GSDME: variants seen among roughly 807,000 people sequenced by gnomAD.
GSDME encodes gasdermin-E.
A neutral mutation model predicts 47.5 loss-of-function variants in GSDME; 44 were observed. The observed-to-expected ratio is 0.93, with a 90% CI of 0.73 to 1.19. The LOEUF (loss-of-function observed/expected upper bound fraction) is 1.19, where lower values mean the gene tolerates loss of function less well. GSDME is among the 50% of genes most tolerant of loss of function. The pLI, the probability that GSDME is intolerant of heterozygous loss-of-function variation, is 0.00. For missense variants in GSDME, 663 were observed against 604.2 expected (o/e 1.10, Z -1.02); for synonymous variants, 258 against 252.8 (o/e 1.02, Z -0.20).
the GSDME span, among the ~76,000 whole-genome samples, chr7:24,782,336 G>A: frequency 5.8e-3 from 887 of 151,702 alleles, 14 homozygotes; most frequent in African/African-American, 0.021. Context: ...TTGTCCTTGC[G>A]ATAGTTTGCT....
At chr7:24,791,682 G>A in the GSDME span, among the ~76,000 whole-genome samples, 1 of 152,150 alleles carries the variant, frequency 6.6e-6, no homozygotes, top group African/African-American at 2.4e-5. The surrounding 1 kb of genome is among the most constrained non-coding windows in gnomAD (Gnocchi z 4.8). Context: ...CAGGGTGAAA[G>A]AGATAGCCAA....
the GSDME span, among the ~76,000 whole-genome samples, chr7:24,785,609 C>A: frequency 6.6e-6 from 1 of 152,210 alleles, no homozygotes; most frequent in South Asian, 2.1e-4. Flanking sequence ...GCACATGCCA[C>A]CATGCCCGGC....
At chr7:24,774,314 T>C in the GSDME span, among the ~76,000 whole-genome samples, 3 of 102,204 alleles carry the variant, frequency 2.9e-5, no homozygotes, top group Admixed American at 1.2e-4. Flanking sequence ...CCTCCCTCCC[T>C]TCCTTCTTCC....
chr7:24,731,326 G>T (rs1248869201), intron 3 of GSDME, among the ~76,000 whole-genome samples: 2 of 152,224 alleles, frequency 1.3e-5, no homozygotes, highest in East Asian at 3.8e-4. Context: ...TACACGTCTG[G>T]ATCAGCACTT....
chr7:24,784,991 C>T, the GSDME span, among the ~76,000 whole-genome samples: 1 of 152,182 alleles, frequency 6.6e-6, no homozygotes, highest in Admixed American at 6.5e-5. Flanking sequence ...CAGCCAGGGA[C>T]AATACTTTGC....
chr7:24,716,093 C>T lies in GSDME; in HGVS notation c.697+1161G>A, dbSNP rs190219654. Among the ~76,000 whole-genome samples, 3 of 152,262 alleles carry T rather than the reference C, an allele frequency of 2.0e-5. No individual in the cohort carries two copies. The highest frequency in any genetic ancestry group is 2.0e-4 in the Admixed American group (3 of 15,292). Reference sequence around the variant, plus strand: ...GCAGGAGCTGTCTCACGGGAGACTGCCCCCCACCCGCCTTCCACAAATGGG... The same window carrying T: ...GCAGGAGCTGTCTCACGGGAGACTGTCCCCCACCCGCCTTCCACAAATGGG... On this transcript the variant is annotated intron_variant, in intron 5 of 9. Transcript: ENST00000645220. The surrounding 1 kb of genome is among the most constrained non-coding windows in gnomAD (Gnocchi z 4.5).
the GSDME span, among the ~76,000 whole-genome samples, chr7:24,785,581 G>A: frequency 1.3e-5 from 2 of 152,116 alleles, no homozygotes; most frequent in African/African-American, 4.8e-5. Context: ...TCAGCCTCCT[G>A]AGTAGCTGGG....
the GSDME span, among the ~76,000 whole-genome samples, chr7:24,789,829 A>G: frequency 6.6e-6 from 1 of 152,170 alleles, no homozygotes; most frequent in Non-Finnish European, 1.5e-5. Context: ...GGACAGATCG[A>G]TAGTGATTCA....
the GSDME span, among the ~76,000 whole-genome samples, chr7:24,763,640 G>T: frequency 2.6e-5 from 4 of 152,160 alleles, no homozygotes; most frequent in Non-Finnish European, 5.9e-5. This position sits in a 1 kb window ranked among gnomAD's most constrained non-coding sequence, Gnocchi z 4.3. Flanking sequence ...AATATTTTTG[G>T]ATGGAGACTG....
chr7:24,775,334 T>C, the GSDME span, among the ~76,000 whole-genome samples: 14,756 of 152,328 alleles, frequency 0.097, 852 homozygotes, highest in South Asian at 0.12. Context: ...TTTTGATATA[T>C]GTTATTTTAC....
In GSDME at chr7:24,719,034, C is replaced by T. The variant is rs367730024; in HGVS notation, c.576+13G>A. The stretch of plus-strand genomic sequence containing the variant: ...GCTCAGCCATGAACGCAGGGCAGCC[C>T]GACTGCACGCACCTGCACCGTCTTG... On this transcript the variant is annotated intron_variant, in intron 4 of 9. Coordinates refer to ENST00000645220, the MANE Select transcript of GSDME (RefSeq NM_001127453.2). The T allele has an allele frequency of 7.7e-5, 124 of 1,611,624 alleles. No individual in the cohort carries two copies. In the East Asian group the frequency reaches 2.1e-3, roughly 28 times the overall value.
intron 7 of GSDME, 81 bp from the exon 8 acceptor site, chr7:24,706,457 C>A (rs537961654): frequency 3.6e-6 from 5 of 1,397,796 alleles, no homozygotes; most frequent in Non-Finnish European, 4.9e-6. Context: ...ACAGTACACA[C>A]AAGCCCCAGC....
chr7:24,779,042 A>C, the GSDME span, among the ~76,000 whole-genome samples: 1 of 152,144 alleles, frequency 6.6e-6, no homozygotes, highest in East Asian at 1.9e-4. The surrounding 1 kb of genome is among the most constrained non-coding windows in gnomAD (Gnocchi z 6.0). Context: ...AGCTGAGTGG[A>C]CTGGAGCTCA....
the GSDME span, among the ~76,000 whole-genome samples, chr7:24,785,189 T>C: frequency 6.6e-6 from 1 of 152,174 alleles, no homozygotes; most frequent in Admixed American, 6.5e-5. Flanking sequence ...CTGGATGCTT[T>C]GGGCTATAAC....
At position 24,756,697 on chromosome 7, in the gene GSDME, G is replaced by A. The variant is rs893799501; in HGVS notation, c.-20+699C>T. Reference sequence around the variant, plus strand: ...TCCACAACCAGCGCTTTTCTAAGAGGTGCCCTCTAGTCTTTCCCCTCGGGG... The same window carrying A: ...TCCACAACCAGCGCTTTTCTAAGAGATGCCCTCTAGTCTTTCCCCTCGGGG... On this transcript the variant is annotated intron_variant, in intron 1 of 9. Transcript: ENST00000645220. The surrounding 1 kb of genome is among the most constrained non-coding windows in gnomAD (Gnocchi z 4.2). Among the ~76,000 whole-genome samples, 1 of 152,176 alleles carries A rather than the reference G, an allele frequency of 6.6e-6. No homozygotes were observed. Among genetic ancestry groups the A allele is most frequent in the South Asian group, 2.1e-4 (1 of 4,822 alleles).
rs941158276 is a variant in GSDME at position 24,721,556 on chromosome 7, G to A, written c.405-2338C>T. Among the ~76,000 whole-genome samples, 5 of 152,174 alleles carry A rather than the reference G, an allele frequency of 3.3e-5. No homozygotes were observed. Among genetic ancestry groups the A allele is most frequent in the South Asian group, 2.1e-4 (1 of 4,828 alleles). ...CAGGGCCCCCTCCTCATGGGGTTCC[G>A]TCAGGGTTTAGATGACATGCATGCA... On this transcript the variant is annotated intron_variant, in intron 3 of 9. Transcript: ENST00000645220. This position sits in a 1 kb window ranked among gnomAD's most constrained non-coding sequence, Gnocchi z 4.1.
Position 24,705,903 on chromosome 7 carries a change from G to A in GSDME, c.1183+281C>T, listed in dbSNP as rs759847923. On this transcript the variant is annotated intron_variant, in intron 8 of 9. Transcript: ENST00000645220. The surrounding 1 kb of genome is among the most constrained non-coding windows in gnomAD (Gnocchi z 4.1). ...GCCTGTCAGGGAGATGCTTGCTTTT[G>A]TAGGCAAAGGGGCACCCACTGTGGC... is the stretch of plus-strand genomic sequence containing the variant. 8 of 504,578 alleles carry A rather than the reference G, an allele frequency of 1.6e-5. No individual in the cohort carries two copies. Among genetic ancestry groups the A allele is most frequent in the Admixed American group, 6.5e-5 (2 of 30,886 alleles). 31.3% of individuals were successfully genotyped at this position (504,578 alleles called of 1,614,324 possible).
intron 3 of GSDME, 46 bp from the exon 4 acceptor site, chr7:24,719,264 A>G (rs1789687770): frequency 6.3e-7 from 1 of 1,587,152 alleles, no homozygotes; most frequent in African/African-American, 1.3e-5. Flanking sequence ...CTCAGGGGAC[A>G]TTGGTGTAGT....
At chr7:24,731,207 C>T (rs1369630140) in intron 3 of GSDME, among the ~76,000 whole-genome samples, 4 of 152,176 alleles carry the variant, frequency 2.6e-5, no homozygotes, top group Non-Finnish European at 1.5e-5. Flanking sequence ...TGACATTGCT[C>T]AAGGGCTCCA....
Sources: allele counts gnomAD v4.1 joint callset (sites outside exome capture counted in the v4.1 genomes callset), GRCh38; gene constraint gnomAD v4.1.1; non-coding constraint Gnocchi (gnomAD v3.1); transcripts MANE v1.5; gene names NCBI Gene and HGNC (gene_info 2026-07-23, HGNC 2026-07-21).